TMEM128: variants seen among roughly 807,000 people sequenced by gnomAD.
The protein encoded by TMEM128 is transmembrane protein 128.
In TMEM128, 16 loss-of-function variants were observed where a neutral mutation model predicts 19.7. The ratio of observed to expected loss-of-function variants is 0.81; its 90% CI spans 0.55 to 1.23. The LOEUF is 1.23. TMEM128 is among the 50% of genes most tolerant of loss of function. The pLI, the probability that TMEM128 is intolerant of heterozygous loss-of-function variation, is 0.00. For synonymous variants in TMEM128, 98 were observed against 75.8 expected (o/e 1.29, Z -1.52); for missense variants, 237 against 200.8 (o/e 1.18, Z -1.09).
chr4:4,237,724 A>G lies in TMEM128; in HGVS notation c.*9+103T>C, dbSNP rs1274497976. ...AACTCTGGTGTAAACATGACTGAAA[A>G]TAATTCACAAATAGTCTGTTACAGC... On this transcript the variant is annotated intron_variant, in intron 4 of 4. Transcript: ENST00000382753. 3.0e-5 allele frequency: 20 copies of G among 674,108 alleles called. No homozygotes were observed. In the African/African-American group the frequency reaches 3.6e-4, roughly 12 times the overall value. 41.8% of individuals were successfully genotyped at this position (674,108 alleles called of 1,614,324 possible).
At chr4:4,237,789 C>T (rs62286913) in intron 4 of TMEM128, 38 bp downstream of exon 4, 29 of 1,384,942 alleles carry the variant, frequency 2.1e-5, no homozygotes, top group South Asian at 8.4e-5. Context: ...ATTTTTCAAA[C>T]GAGTTCATTT....
intron 3 of TMEM128, among the ~76,000 whole-genome samples, chr4:4,238,975 T>A (rs1240402585): frequency 6.6e-6 from 1 of 152,116 alleles, no homozygotes; most frequent in African/African-American, 2.4e-5. Flanking sequence ...AAGTCGAGGC[T>A]GCAGTGAGCT....
intron 1 of TMEM128, chr4:4,247,698 A>G: frequency 6.2e-7 from 1 of 1,605,634 alleles, no homozygotes; most frequent in Non-Finnish European, 8.5e-7. Context: ...TGTGTCAGGT[A>G]TACATATACC....
At chr4:4,244,499 G>C (rs1718090030) in intron 2 of TMEM128, among the ~76,000 whole-genome samples, 1 of 151,986 alleles carries the variant, frequency 6.6e-6, no homozygotes, top group South Asian at 2.1e-4. Flanking sequence ...TAAAAATAAA[G>C]TATCCATCCC....
intron 1 of TMEM128, chr4:4,247,474 C>A (rs1577200582): frequency 7.8e-7 from 1 of 1,289,256 alleles, no homozygotes. Context: ...AAAAAATATC[C>A]AAAATGAAGT....
rs181576236 is a variant in TMEM128, at chr4:4,241,939, G to T, written c.240-1460C>A. On this transcript the variant is annotated intron_variant, in intron 2 of 4. Coordinates refer to ENST00000382753, the MANE Select transcript of TMEM128 (RefSeq NM_001297551.2). ...TATTTCTGAGCCGGAGTCTTGCTCT[G>T]TTGCCCAGGCTGGAGTGCAGTGCTG... is the stretch of plus-strand genomic sequence containing the variant. Among the ~76,000 whole-genome samples, 620 of 152,238 alleles carry T rather than the reference G, an allele frequency of 4.1e-3. 2 individuals carry two copies. Among genetic ancestry groups the T allele is most frequent in the African/African-American group, 0.014 (600 of 41,542 alleles).
At chr4:4,247,970 A>G (rs1455672144) in intron 1 of TMEM128, 136 bp downstream of exon 1, 2 of 1,443,364 alleles carry the variant, frequency 1.4e-6, no homozygotes, top group Non-Finnish European at 1.8e-6. Flanking sequence ...GATTCTAAGG[A>G]TCTTCCCTGA....
chr4:4,242,452 T>A, intron 2 of TMEM128, among the ~76,000 whole-genome samples: 1 of 151,868 alleles, frequency 6.6e-6, no homozygotes, highest in African/African-American at 2.4e-5. Context: ...AAAGGCCTTT[T>A]ATCATTACCC....
chr4:4,238,308 G>A (rs1475687562), intron 3 of TMEM128, among the ~76,000 whole-genome samples: 2 of 152,088 alleles, frequency 1.3e-5, no homozygotes, highest in East Asian at 3.9e-4. Flanking sequence ...CCAAAATATT[G>A]TCTCTTAAAA....
In TMEM128 at chr4:4,246,346, G is replaced by C. The variant is rs1454416531; in HGVS notation, c.98-3C>G. 1.3e-6 allele frequency: 2 copies of C among 1,591,532 alleles called. No individual in the cohort carries two copies. The highest frequency in any genetic ancestry group is 8.5e-7 in the Non-Finnish European group (1 of 1,173,556). On this transcript the variant is annotated splice_region_variant and splice_polypyrimidine_tract_variant and intron_variant, in intron 1 of 4. Coordinates refer to ENST00000382753, the MANE Select transcript of TMEM128 (RefSeq NM_001297551.2). The stretch of plus-strand genomic sequence containing the variant: ...TTTCTCAACAGCTGTGGAGGTTTCT[G>C]CAAATAAGGGAGATTTCAACTTATT...
At chr4:4,247,969 GA>G in intron 1 of TMEM128, 136 bp downstream of exon 1, 3 of 1,442,768 alleles carry the variant, frequency 2.1e-6, no homozygotes, top group Non-Finnish European at 1.8e-6. Flanking sequence ...CGATTCTAAG[GA>G]TCTTCCCTGA....
At chr4:4,243,985 C>T (rs1718065369) in intron 2 of TMEM128, among the ~76,000 whole-genome samples, 1 of 152,214 alleles carries the variant, frequency 6.6e-6, no homozygotes, top group Non-Finnish European at 1.5e-5. Flanking sequence ...CCTAGATGCT[C>T]CCATGATACC....
At position 4,243,103 on chromosome 4, in the gene TMEM128, G is replaced by A. The variant is rs890253510; in HGVS notation, c.240-2624C>T. Among the ~76,000 whole-genome samples, 11 of 151,942 alleles carry A rather than the reference G, an allele frequency of 7.2e-5. No homozygotes were observed. The South Asian group carries it at 1.0e-3, about 14-fold the overall frequency. On this transcript the variant is annotated intron_variant, in intron 2 of 4. Transcript: ENST00000382753. ...TTTACTTATTTAATTTTTTTAAGAC[G>A]GAGTCTCGCTCTGTCGCCCAGGCTG...
rs529949724 is a variant in TMEM128, at chr4:4,238,472, A to G, written c.399-537T>C. 5.3e-5 allele frequency among the ~76,000 whole-genome samples: 8 copies of G among 152,364 alleles called. No individual in the cohort carries two copies. The South Asian group carries it at 1.0e-3, about 20-fold the overall frequency. Reference sequence around the variant, plus strand: ...ACAGAATAGGGAAAACTATATTCAAATAAGTTCAGATGGTTATTGGTTTTA... The same window carrying G: ...ACAGAATAGGGAAAACTATATTCAAGTAAGTTCAGATGGTTATTGGTTTTA... On this transcript the variant is annotated intron_variant, in intron 3 of 4. Coordinates refer to ENST00000382753, the MANE Select transcript of TMEM128 (RefSeq NM_001297551.2).
rs1480305422 is a variant in TMEM128, at chr4:4,235,731, T to C, written c.*535A>G. On this transcript the variant is annotated 3_prime_UTR_variant, in exon 5 of 5. Coordinates refer to ENST00000382753, the MANE Select transcript of TMEM128 (RefSeq NM_001297551.2). ...CAAAACTATCATAAATATGAGATTA[T>C]AGTAATTACTAAAGCTGGTTAAAGG... The C allele has an allele frequency of 2.0e-5, 3 of 152,638 alleles. No individual in the cohort carries two copies. The highest frequency in any genetic ancestry group is 2.9e-5 in the Non-Finnish European group (2 of 68,026). 9.5% of individuals were successfully genotyped at this position (152,638 alleles called of 1,614,324 possible). A position where few individuals can be genotyped will look rare whatever the true frequency, so the allele number is the denominator to read the frequency against.
In TMEM128 at chr4:4,244,278, C is replaced by G. The variant is rs531177804; in HGVS notation, c.239+1924G>C. Among the ~76,000 whole-genome samples the G allele has an allele frequency of 2.0e-5, 3 of 152,196 alleles. No individual in the cohort carries two copies. In the South Asian group the frequency reaches 6.2e-4, roughly 31 times the overall value. On this transcript the variant is annotated intron_variant, in intron 2 of 4. Transcript: ENST00000382753. ...ATCACTGGAGCCCACAAGTTTGAGA[C>G]CAGCCTGGGCAACATGAAGAGACCT...
chr4:4,247,532 C>T (rs754905380), intron 1 of TMEM128: 16 of 1,610,614 alleles, frequency 9.9e-6, no homozygotes, highest in Non-Finnish European at 1.4e-5. Context: ...GAAGCAACCA[C>T]CACTTACAAT....
intron 2 of TMEM128, among the ~76,000 whole-genome samples, chr4:4,242,322 G>T (rs2108818555): frequency 6.6e-6 from 1 of 151,996 alleles, no homozygotes; most frequent in East Asian, 1.9e-4. Flanking sequence ...CGCCCCCAAA[G>T]TGAAGAAAAA....
chr4:4,247,104 G>A (rs2108823561), intron 1 of TMEM128, among the ~76,000 whole-genome samples: 1 of 152,296 alleles, frequency 6.6e-6, no homozygotes, highest in South Asian at 2.1e-4. Context: ...CAGCTCAAAA[G>A]TGGAAACGGC....
Sources: gnomAD v4.1 joint callset for allele counts (sites outside exome capture counted in the v4.1 genomes callset) on GRCh38, gnomAD v4.1.1 for gene constraint, MANE v1.5 for transcripts, NCBI Gene and HGNC (gene_info 2026-07-23, HGNC 2026-07-21) for gene names.